GTF2H1: variants seen among roughly 807,000 people sequenced by gnomAD.
GTF2H1 encodes BTF2 p62.
In GTF2H1, 16 loss-of-function variants were observed where a neutral mutation model predicts 71.2. The ratio of observed to expected loss-of-function variants is 0.22; its 90% CI spans 0.15 to 0.34. The LOEUF (loss-of-function observed/expected upper bound fraction) is 0.34. Among genes scored for constraint, GTF2H1 ranks in the 10% least tolerant of loss-of-function variants. GTF2H1 has a pLI of 1.00. For synonymous variants in GTF2H1, 215 were observed against 219.0 expected (o/e 0.98, Z 0.16); for missense variants, 498 against 648.2 (o/e 0.77, Z 2.52).
At position 18,339,587 on chromosome 11, in the gene GTF2H1, T is replaced by C. The variant is rs761725835; in HGVS notation, c.537T>C (p.Asp179=). 31 of 1,613,438 alleles carry C rather than the reference T, an allele frequency of 1.9e-5. 1 individual carries two copies. The Admixed American group carries it at 3.7e-4, about 19-fold the overall frequency. ...AGGCTGATGTCCGGCCCCAAACTGA[T>C]GGCTGTAACGGTCTAAGATATAATT... ...AFLADVRPQT[D]GCNGLRYNLT... is the part of the protein sequence containing the mutation. Residue 179 remains aspartate, a synonymous_variant, in exon 5 of 15, where the codon GAT becomes GAC. Coordinates refer to ENST00000265963, the MANE Select transcript of GTF2H1 (RefSeq NM_005316.4).
intron 7 of GTF2H1, among the ~76,000 whole-genome samples, chr11:18,344,874 C>A (rs1865249223): frequency 6.6e-6 from 1 of 152,076 alleles, no homozygotes; most frequent in African/African-American, 2.4e-5. Flanking sequence ...CCTGCTTGTT[C>A]CCTAACCAGC....
At chr11:18,342,927 T>C (rs1865195741) in intron 7 of GTF2H1, among the ~76,000 whole-genome samples, 1 of 152,156 alleles carries the variant, frequency 6.6e-6, no homozygotes, top group African/African-American at 2.4e-5. Context: ...TGTTTTGTTT[T>C]GTTCTGTTTT....
At chr11:18,356,509 T>C (rs1865550748) in intron 11 of GTF2H1, among the ~76,000 whole-genome samples, 1 of 152,154 alleles carries the variant, frequency 6.6e-6, no homozygotes, top group Admixed American at 6.5e-5. Context: ...TTTGACCAAT[T>C]CTTTCAATGT....
intron 1 of GTF2H1, among the ~76,000 whole-genome samples, chr11:18,326,709 T>C (rs1864776426): frequency 6.6e-6 from 1 of 152,170 alleles, no homozygotes. Flanking sequence ...ACTTGCTCTA[T>C]CAGCTGTCCT....
chr11:18,366,043 G>C lies in GTF2H1; in HGVS notation c.*174G>C. 1 of 591,376 alleles carries C rather than the reference G, an allele frequency of 1.7e-6. No individual in the cohort carries two copies. The highest frequency in any genetic ancestry group is 3.0e-6 in the Non-Finnish European group (1 of 331,334). 36.6% of individuals were successfully genotyped at this position (591,376 alleles called of 1,614,324 possible). On this transcript the variant is annotated 3_prime_UTR_variant, in exon 15 of 15. Transcript: ENST00000265963. The stretch of plus-strand genomic sequence containing the variant: ...GTACTTGCACATTGGAGACTGAAAG[G>C]AAAGAAGGGACTAAATGCTGGGGAG...
At chr11:18,334,930 A>G (rs1430527796) in intron 2 of GTF2H1, among the ~76,000 whole-genome samples, 1 of 152,186 alleles carries the variant, frequency 6.6e-6, no homozygotes, top group Non-Finnish European at 1.5e-5. Flanking sequence ...AGTAATGTTT[A>G]TAGTTGTGGT....
intron 14 of GTF2H1, among the ~76,000 whole-genome samples, chr11:18,365,371 C>CT (rs1431154569): frequency 6.6e-6 from 1 of 151,968 alleles, no homozygotes; most frequent in Non-Finnish European, 1.5e-5. Flanking sequence ...GAGCAAGACT[C>CT]TGTCTCAAAA....
chr11:18,357,849 A>G (rs1865595136), intron 11 of GTF2H1, 103 bp from the exon 12 acceptor site: 1 of 736,170 alleles, frequency 1.4e-6, no homozygotes, highest in East Asian at 2.7e-5. Context: ...ACAAAAGGAA[A>G]AGCACTTCAT....
Position 18,357,984 on chromosome 11 carries a change from C to G in GTF2H1, c.1293C>G (p.Ile431Met), listed in dbSNP as rs1033890444. The G allele has an allele frequency of 6.2e-7, 1 of 1,611,668 alleles. No individual in the cohort carries two copies. Among genetic ancestry groups the G allele is most frequent in the Admixed American group, 1.7e-5 (1 of 59,954 alleles). ...CAAGTAGTGCTGCCAGTAGTACCAT[C>G]ACAGCACTGTCACCTGGAGGGGCAC... The part of the protein sequence containing the change: ...VLSSSAASST[I>M]TALSPGGALM... Residue 431 changes from isoleucine to methionine, a missense_variant, in exon 12 of 15, where the codon ATC (isoleucine) becomes ATG (methionine). By Grantham distance (10) the Ile-to-Met change is conservative. Around this residue, in one of 3 missense-constraint regions of GTF2H1, gnomAD observed 266 missense variants for 301.6 expected, o/e 0.88. Coordinates refer to ENST00000265963, the MANE Select transcript of GTF2H1 (RefSeq NM_005316.4).
At chr11:18,333,926 G>A (rs1330903386) in intron 2 of GTF2H1, among the ~76,000 whole-genome samples, 1 of 152,178 alleles carries the variant, frequency 6.6e-6, no homozygotes, top group African/African-American at 2.4e-5. Flanking sequence ...GTGAATGTAG[G>A]TGGTGGAATC....
rs1864938898 is a variant in GTF2H1 at position 18,333,065 on chromosome 11, T to C, written c.-10T>C. ...ATCTTTTTTTTCTCTCTTAGCACCT[T>C]CTAGCCACCATGGCAACCTCATCTG... On this transcript the variant is annotated 5_prime_UTR_variant, in exon 2 of 15. Coordinates refer to ENST00000265963, the MANE Select transcript of GTF2H1 (RefSeq NM_005316.4). 1 of 1,607,820 alleles carries C rather than the reference T, an allele frequency of 6.2e-7. No individual in the cohort carries two copies. Among genetic ancestry groups the C allele is most frequent in the South Asian group, 1.1e-5 (1 of 90,176 alleles).
At chr11:18,363,820 C>A (rs1590202026) in intron 14 of GTF2H1, among the ~76,000 whole-genome samples, 1 of 151,946 alleles carries the variant, frequency 6.6e-6, no homozygotes, top group Non-Finnish European at 1.5e-5. Flanking sequence ...CACCTGTAAT[C>A]CCAGTACTTT....
chr11:18,329,616 G>A (rs950455858), intron 1 of GTF2H1, among the ~76,000 whole-genome samples: 3 of 152,124 alleles, frequency 2.0e-5, no homozygotes, highest in African/African-American at 7.2e-5. Flanking sequence ...TCCACTATAT[G>A]CCTCCATCTT....
chr11:18,362,217 G>A (rs898491913), intron 14 of GTF2H1, among the ~76,000 whole-genome samples: 1 of 152,166 alleles, frequency 6.6e-6, no homozygotes, highest in African/African-American at 2.4e-5. Flanking sequence ...TGGTATGTGT[G>A]TATCTAAACA....
intron 11 of GTF2H1, among the ~76,000 whole-genome samples, chr11:18,356,854 A>G (rs1865563646): frequency 7.0e-6 from 1 of 143,196 alleles, no homozygotes; most frequent in Non-Finnish European, 1.5e-5. Context: ...CAGTGACACC[A>G]TCTCAGCTCA....
At chr11:18,355,086 A>G (rs1449048459) in intron 11 of GTF2H1, among the ~76,000 whole-genome samples, 1 of 150,622 alleles carries the variant, frequency 6.6e-6, no homozygotes, top group Non-Finnish European at 1.5e-5. Context: ...CTGAGATTAC[A>G]GGCCGTTTTT....
At chr11:18,351,677 G>A in intron 9 of GTF2H1, 1 of 386,930 alleles carries the variant, frequency 2.6e-6, no homozygotes, top group Non-Finnish European at 4.8e-6. Flanking sequence ...ACTTCATGTG[G>A]TCAGAGTGTA....
Position 18,360,668 on chromosome 11 carries a change from A to T in GTF2H1, c.1521A>T (p.Pro507=). 1 of 1,575,168 alleles carries T rather than the reference A, an allele frequency of 6.3e-7. No homozygotes were observed. The highest frequency in any genetic ancestry group is 8.6e-7 in the Non-Finnish European group (1 of 1,165,038). Residue 507 remains proline (P), a synonymous_variant, in exon 14 of 15, where the codon CCA becomes CCT. Transcript: ENST00000265963. The part of the protein sequence containing the change: ...LERFQVTKLC[P]FQEKIRRQYL... Reference sequence around the variant, plus strand: ...GATTCCAAGTTACGAAGCTCTGTCCATTCCAAGAAAAGATTCGGAGACAGT... The same window carrying T: ...GATTCCAAGTTACGAAGCTCTGTCCTTTCCAAGAAAAGATTCGGAGACAGT...
chr11:18,354,243 G>A (rs1392145268), intron 11 of GTF2H1, among the ~76,000 whole-genome samples: 1 of 152,114 alleles, frequency 6.6e-6, no homozygotes, highest in Non-Finnish European at 1.5e-5. Flanking sequence ...CATATCAGGA[G>A]GCAAATGATT....
Sources: gnomAD v4.1 joint callset for allele counts (sites outside exome capture counted in the v4.1 genomes callset) on GRCh38, gnomAD v4.1.1 for gene constraint, gnomAD v4.1.1 regional missense constraint, MANE v1.5 for transcripts, NCBI Gene and HGNC (gene_info 2026-07-23, HGNC 2026-07-21) for gene names.